Variants in MUC5AC observed in about 807,000 individuals in gnomAD.
MUC5AC encodes the protein mucin 5AC, oligomeric mucus/gel-forming, also known as mucin-5AC.
Under a neutral mutation model 169.7 loss-of-function variants are expected in MUC5AC, and 158 were observed. The ratio of observed to expected loss-of-function variants is 0.93; its 90% CI spans 0.82 to 1.06. MUC5AC has a LOEUF of 1.06. Ranked by LOEUF, MUC5AC falls within the 50% of genes least tolerant of loss-of-function variation. The probability of loss-of-function intolerance (pLI) is 0.00; values close to 1 mark genes in which losing one functional copy is unlikely to be tolerated. For missense variants in MUC5AC, 4,359 were observed against 3,089.9 expected (o/e 1.41, Z -9.74); for synonymous variants, 1,975 against 1,237.0 (o/e 1.60, Z -12.52).
In MUC5AC at chr11:1,180,385, C is replaced by T. The variant is rs2133749812; in HGVS notation, c.3645C>T (p.Pro1215=). ...GCYPKCPPEA[P]IFDEDKMQCV... ...ACCCCAAGTGCCCACCAGAGGCTCC[C>T]ATCTTTGATGAGGACAAGATGCAGT... The change falls in exon 28 of 49, where the codon CCC becomes CCT. Residue 1215 remains proline, a synonymous_variant. Transcript: ENST00000621226. The T allele has an allele frequency of 2.5e-6, 1 of 398,752 alleles. No homozygotes were observed. The highest frequency in any genetic ancestry group is 2.1e-5 in the African/African-American group (1 of 48,766). 24.7% of individuals were successfully genotyped at this position (398,752 alleles called of 1,614,324 possible).
rs1467674165 is a variant in MUC5AC at position 1,186,139 on chromosome 11, C to G, written c.7994C>G (p.Thr2665Ser). The G allele has an allele frequency of 1.2e-5, 9 of 745,932 alleles. No homozygotes were observed. In the Admixed American group the frequency reaches 1.4e-4, roughly 12 times the overall value. The allele number at this position is 745,932 out of a possible 1,614,324, so 46.2% of individuals were successfully genotyped here. ...GPGTTPSPVP[T>S]TSTISVPTTS... ...GGAACTACTCCCAGCCCTGTTCCTA[C>G]CACCAGCACAATCTCTGTTCCTACC... is the stretch of plus-strand genomic sequence containing the variant. The change falls in exon 31 of 49, where the codon ACC becomes AGC. Residue 2665 changes from threonine (T) to serine (S), a missense_variant. Coordinates refer to ENST00000621226, the MANE Select transcript of MUC5AC (RefSeq NM_001304359.2).
rs1281397041 is a variant in MUC5AC, at chr11:1,167,936, C to T, written c.1446C>T (p.Asp482=). The T allele has an allele frequency of 3.2e-6, 5 of 1,550,844 alleles. No individual in the cohort carries two copies. Among genetic ancestry groups the T allele is most frequent in the African/African-American group, 1.4e-5 (1 of 73,190 alleles). Residue 482 remains aspartate (D), a synonymous_variant, in exon 12 of 49, where the codon GAC becomes GAT. Coordinates refer to ENST00000621226, the MANE Select transcript of MUC5AC (RefSeq NM_001304359.2). ...AGCTGCGCAGGTGCGGGCTGACGGA[C>T]AGCGAGACCTGCCTGAAGAGCGTGA... ...LAELRRCGLT[D]SETCLKSVTL...
chr11:1,170,218 C>G (rs1860463673), intron 15 of MUC5AC, among the ~76,000 whole-genome samples: 1 of 80,556 alleles, frequency 1.2e-5, no homozygotes, highest in Admixed American at 1.1e-4. Flanking sequence ...CACCCATTCA[C>G]CCATTCACTC....
rs756215501 is a variant in MUC5AC, at chr11:1,163,001, G to A, written c.635G>A (p.Gly212Glu). 50 of 1,612,604 alleles carry A rather than the reference G, an allele frequency of 3.1e-5. No individual in the cohort carries two copies. The highest frequency in any genetic ancestry group is 1.6e-4 in the Middle Eastern group (1 of 6,084). ...KYANKTCGLC[G>E]DFNGMPVVSE... ...GCCAACAAGACCTGTGGGCTCTGTG[G>A]GGACTTCAACGGGATGCCCGTGGTC... The change falls in exon 6 of 49, where the codon GGG becomes GAG. Residue 212 changes from glycine to glutamate, a missense_variant. By Grantham distance (98) the Gly-to-Glu change is moderately conservative. Coordinates refer to ENST00000621226, the MANE Select transcript of MUC5AC (RefSeq NM_001304359.2).
chr11:1,185,724 G>T lies in MUC5AC; in HGVS notation c.7579G>T (p.Gly2527Cys), dbSNP rs1860925558. Residue 2527 changes from glycine (G) to cysteine (C), a missense_variant, in exon 31 of 49, where the codon GGT becomes TGT. Transcript: ENST00000621226. ...TSASTTSTTSGAGTTPSPVPT... is the reference protein window; with the variant it reads ...TSASTTSTTSCAGTTPSPVPT... ...TGCTTCTACAACCAGCACAACCTCT[G>T]GTGCTGGAACTACTCCCAGCCCTGT... is the stretch of plus-strand genomic sequence containing the variant. 1 of 745,678 alleles carries T rather than the reference G, an allele frequency of 1.3e-6. No homozygotes were observed. The highest frequency in any genetic ancestry group is 1.7e-5 in the African/African-American group (1 of 58,138). The allele number at this position is 745,678 out of a possible 1,614,324, so 46.2% of individuals were successfully genotyped here. A position where few individuals can be genotyped will look rare whatever the true frequency, so the allele number is the denominator to read the frequency against.
chr11:1,168,800 G>C (rs1427997798), intron 14 of MUC5AC, 21 bp downstream of exon 14: 15 of 1,586,282 alleles, frequency 9.5e-6, no homozygotes, highest in Non-Finnish European at 1.3e-5. Flanking sequence ...TGCCTTCTGG[G>C]CTTGGAGCCC....
chr11:1,159,979 G>A (rs573628285), intron 1 of MUC5AC, among the ~76,000 whole-genome samples: 1 of 148,342 alleles, frequency 6.7e-6, no homozygotes, highest in African/African-American at 2.5e-5. Context: ...TCTGTGCAGG[G>A]CTGTGCGGGG....
rs540141534 is a variant in MUC5AC at position 1,164,220 on chromosome 11, G to A, written c.904G>A (p.Asp302Asn). 67 of 1,612,628 alleles carry A rather than the reference G, an allele frequency of 4.2e-5. No homozygotes were observed. The highest frequency in any genetic ancestry group is 3.8e-4 in the South Asian group (35 of 91,086). The change falls in exon 8 of 49, where the codon GAC becomes AAC. Residue 302 changes from aspartate to asparagine, a missense_variant. By Grantham distance (23) the Asp-to-Asn change is conservative. Transcript: ENST00000621226. ...AGACCTCTGCTTCTGTGAAGACACC[G>A]ACCTGCTCAGCTGCGTCTGCCACAC... ...RQDLCFCEDTDLLSCVCHTLA... is the reference protein window; with the variant it reads ...RQDLCFCEDTNLLSCVCHTLA...
In MUC5AC at chr11:1,191,460, A is replaced by G. The variant is rs1486627200; in HGVS notation, c.13315A>G (p.Thr4439Ala). The G allele has an allele frequency of 2.9e-4, 214 of 750,722 alleles. No homozygotes were observed. The African/African-American group carries it at 3.2e-3, about 11-fold the overall frequency. The allele number at this position is 750,722 out of a possible 1,614,324, so 46.5% of individuals were successfully genotyped here. Reference sequence around the variant, plus strand: ...AGCCAGCACAACCTCTGGTCCTGGAACTACTCCCAGCCCTGTTCCCACCAC... The same window carrying G: ...AGCCAGCACAACCTCTGGTCCTGGAGCTACTCCCAGCCCTGTTCCCACCAC... ...STASTTSGPG[T>A]TPSPVPTTST... The change falls in exon 31 of 49, where the codon ACT (threonine) becomes GCT (alanine). Residue 4439 changes from threonine (T) to alanine (A), a missense_variant. Thr to Ala is a moderately conservative substitution (Grantham distance 58). Coordinates refer to ENST00000621226, the MANE Select transcript of MUC5AC (RefSeq NM_001304359.2).
intron 30 of MUC5AC, 149 bp from the exon 31 acceptor site, chr11:1,182,006 T>C (rs1354264911): frequency 7.5e-6 from 3 of 397,592 alleles, no homozygotes; most frequent in African/African-American, 6.2e-5. Context: ...CCTGTGCCGC[T>C]CATGTGGGTT....
At position 1,186,400 on chromosome 11, in the gene MUC5AC, C is replaced by A; in HGVS notation, c.8255C>A (p.Pro2752His). 1 of 706,272 alleles carries A rather than the reference C, an allele frequency of 1.4e-6. No individual in the cohort carries two copies. Among genetic ancestry groups the A allele is most frequent in the Non-Finnish European group, 2.6e-6 (1 of 387,082 alleles). The allele number at this position is 706,272 out of a possible 1,614,324, so 43.8% of individuals were successfully genotyped here. Residue 2752 changes from proline to histidine, a missense_variant, in exon 31 of 49, where the codon CCT becomes CAT. Pro to His is a moderately conservative substitution (Grantham distance 77). Transcript: ENST00000621226. ...SAPTPRRTSA[P>H]TTSTISASTT... is the part of the protein sequence containing the mutation. ...CCTACACCCAGAAGAACCTCAGCCC[C>A]TACAACCAGCACAATCTCTGCCTCT...
At chr11:1,160,177 G>C (rs1860097011) in intron 1 of MUC5AC, among the ~76,000 whole-genome samples, 1 of 152,096 alleles carries the variant, frequency 6.6e-6, no homozygotes, top group Non-Finnish European at 1.5e-5. Context: ...CTGCTTGTAG[G>C]GAGGCAGGGT....
At position 1,165,493 on chromosome 11, in the gene MUC5AC, C is replaced by T. The variant is rs1003644453; in HGVS notation, c.1247+74C>T. On this transcript the variant is annotated intron_variant, in intron 10 of 48. Coordinates refer to ENST00000621226, the MANE Select transcript of MUC5AC (RefSeq NM_001304359.2). ...ACCTGCTGGGGGTTGCAACCCAGGC[C>T]GGCAGGCTCCCTCGTCTGGGCTACG... is the stretch of plus-strand genomic sequence containing the variant. The T allele has an allele frequency of 2.5e-5, 39 of 1,580,350 alleles. No homozygotes were observed. The African/African-American group carries it at 3.5e-4, about 14-fold the overall frequency.
At chr11:1,160,463 C>A (rs963414868) in intron 1 of MUC5AC, 149 bp from the exon 2 acceptor site, 1 of 639,460 alleles carries the variant, frequency 1.6e-6, no homozygotes, top group Non-Finnish European at 2.8e-6. Context: ...AGGACCCCCC[C>A]AACCCAGCAC....
At chr11:1,200,400 TG>T in intron 48 of MUC5AC, 37 bp from the exon 49 acceptor site, 1 of 643,056 alleles carries the variant, frequency 1.6e-6, no homozygotes, top group Non-Finnish European at 2.9e-6. Context: ...GAGGCTGGGG[TG>T]GCGCAGCAGC....
chr11:1,174,531 C>T lies in MUC5AC; in HGVS notation c.2001C>T (p.Ser667=), dbSNP rs962066296. 707 of 1,564,234 alleles carry T rather than the reference C, an allele frequency of 4.5e-4. 3 individuals are homozygous for T. In the African/African-American group the frequency reaches 8.3e-3, roughly 18 times the overall value. The change falls in exon 17 of 49, where the codon AGC becomes AGT. Residue 667 remains serine, a synonymous_variant. Coordinates refer to ENST00000621226, the MANE Select transcript of MUC5AC (RefSeq NM_001304359.2). ...TTGACACCTGCAACTGTGAGCGGAG[C>T]GAGGACTGCCTGTGCGCCGCGCTGT... ...CMFDTCNCER[S]EDCLCAALSS... is the part of the protein sequence containing the mutation.
chr11:1,164,397 C>T lies in MUC5AC; in HGVS notation c.1004-10C>T. On this transcript the variant is annotated splice_polypyrimidine_tract_variant and intron_variant, in intron 8 of 48. Transcript: ENST00000621226. Reference sequence around the variant, plus strand: ...CAGGCAGACGTGAGCCCTCTCTCTGCCTCCCGCAGCCCAGAAGTGCCCCAA... The same window carrying T: ...CAGGCAGACGTGAGCCCTCTCTCTGTCTCCCGCAGCCCAGAAGTGCCCCAA... 6.2e-7 allele frequency: 1 copy of T among 1,612,182 alleles called. No homozygotes were observed. Among genetic ancestry groups the T allele is most frequent in the Non-Finnish European group, 8.5e-7 (1 of 1,179,670 alleles).
chr11:1,160,184 G>A (rs1010833902), intron 1 of MUC5AC, among the ~76,000 whole-genome samples: 11 of 152,122 alleles, frequency 7.2e-5, no homozygotes, highest in African/African-American at 2.4e-4. Context: ...TAGGGAGGCA[G>A]GGTCCTCCAG....
In MUC5AC at chr11:1,194,575, TC is replaced by T; in HGVS notation, c.15098del (p.Pro5033ArgfsTer62). On this transcript the variant is annotated frameshift_variant, in exon 35 of 49. Transcript: ENST00000621226. LOFTEE classifies it high-confidence loss of function. Reference sequence around the variant, plus strand: ...ATCGGCGTCAAGATGTACGCGACCATCCCGGAGCTGGGAGTCCAGGTCATGT... The same window carrying T: ...ATCGGCGTCAAGATGTACGCGACCATCCGGAGCTGGGAGTCCAGGTCATGT... ...SRIGVKMYAT[I>X]PELGVQVMFS... is the part of the protein sequence containing the mutation. 1 of 764,520 alleles carries T rather than the reference TC, an allele frequency of 1.3e-6. No homozygotes were observed. Among genetic ancestry groups the T allele is most frequent in the Non-Finnish European group, 2.4e-6 (1 of 417,622 alleles). The allele number at this position is 764,520 out of a possible 1,614,324, so 47.4% of individuals were successfully genotyped here. A position where few individuals can be genotyped will look rare whatever the true frequency, so the allele number is the denominator to read the frequency against.
Sources: allele counts gnomAD v4.1 joint callset (sites outside exome capture counted in the v4.1 genomes callset), GRCh38; gene constraint gnomAD v4.1.1; transcripts MANE v1.5; gene names NCBI Gene and HGNC (gene_info 2026-07-23, HGNC 2026-07-21).